The following GRIK2 variants were observed in gnomAD, a reference collection of about 807,000 sequenced individuals.
The protein encoded by GRIK2 is glutamate receptor ionotropic, kainate 2.
A neutral mutation model predicts 100.3 loss-of-function variants in GRIK2; 32 were observed. The ratio of observed to expected loss-of-function variants is 0.32; its 90% CI spans 0.24 to 0.43. GRIK2 has a LOEUF of 0.43. GRIK2 is among the 20% of genes least tolerant of loss of function. The pLI is 1.00. For synonymous variants in GRIK2, 417 were observed against 389.4 expected (o/e 1.07, Z -0.83); for missense variants, 843 against 1,114.9 (o/e 0.76, Z 3.47).
At chr6:101,394,952 A>G (rs567933212) in intron 1 of GRIK2, among the ~76,000 whole-genome samples, 248 of 152,360 alleles carry the variant, frequency 1.6e-3, no homozygotes, top group African/African-American at 5.4e-3. Context: ...ATTTAAAAAA[A>G]AAAGTTCTGG....
chr6:101,846,006 TG>T (rs753810379), intron 10 of GRIK2, among the ~76,000 whole-genome samples: 34 of 149,180 alleles, frequency 2.3e-4, no homozygotes, highest in Admixed American at 7.3e-4. Context: ...TAAACAGCAT[TG>T]TTTTTTTTTT....
At chr6:101,496,776 C>A (rs202151318) in intron 2 of GRIK2, among the ~76,000 whole-genome samples, 1 of 152,034 alleles carries the variant, frequency 6.6e-6, no homozygotes, top group East Asian at 1.9e-4. Context: ...CTGTAGTTAT[C>A]CTGAGCTTGA....
intron 2 of GRIK2, among the ~76,000 whole-genome samples, chr6:101,509,359 G>A (rs554726219): frequency 6.6e-6 from 1 of 152,244 alleles, no homozygotes; most frequent in South Asian, 2.1e-4. Flanking sequence ...GTTTTACTGA[G>A]CGATTAATTT....
chr6:101,898,683 G>A (rs1787642199), intron 12 of GRIK2, among the ~76,000 whole-genome samples: 1 of 151,470 alleles, frequency 6.6e-6, no homozygotes, highest in African/African-American at 2.4e-5. Flanking sequence ...TATAAAGCTA[G>A]TCTCTGGAAA....
chr6:101,533,578 A>G (rs1775548055), intron 2 of GRIK2, among the ~76,000 whole-genome samples: 1 of 151,904 alleles, frequency 6.6e-6, no homozygotes, highest in Admixed American at 6.6e-5. Flanking sequence ...AAAACTATTC[A>G]GAGAAGGCAA....
chr6:101,741,584 A>T (rs1776035354), intron 7 of GRIK2, among the ~76,000 whole-genome samples: 1 of 152,192 alleles, frequency 6.6e-6, no homozygotes. Context: ...GTGGAAACGT[A>T]TGGAAAGTTT....
rs1232141580 is a variant in GRIK2 at position 101,611,356 on chromosome 6, G to T, written c.116-10593G>T. On this transcript the variant is annotated intron_variant, in intron 2 of 16. Transcript: ENST00000369134. ...TTTCAAATGCCCAGGACAAGTCTGA[G>T]AATATGATAGATGTAGGAAGATGTA... is the stretch of plus-strand genomic sequence containing the variant. 1.6e-4 allele frequency among the ~76,000 whole-genome samples: 24 copies of T among 151,774 alleles called. No homozygotes were observed. The Admixed American group carries it at 1.6e-3, about 10-fold the overall frequency.
chr6:101,875,197 G>C (rs1562456645), intron 11 of GRIK2, among the ~76,000 whole-genome samples: 1 of 151,950 alleles, frequency 6.6e-6, no homozygotes, highest in Non-Finnish European at 1.5e-5. Flanking sequence ...TTTTTAATCT[G>C]AGTGTAACAA....
chr6:101,539,971 A>G (rs1775905131), intron 2 of GRIK2, among the ~76,000 whole-genome samples: 1 of 151,878 alleles, frequency 6.6e-6, no homozygotes, highest in African/African-American at 2.4e-5. Context: ...AAATTGGAGA[A>G]TAAGTGTGCA....
In GRIK2 at chr6:101,889,769, GTCT is replaced by G; in HGVS notation, c.1658_1660del (p.Phe553del). Reference sequence around the variant, plus strand: ...CAAGCCCAATGGTACAAACCCAGGCGTCTTCTCCTTCCTGAATCCTCTCTCCCC... The same window carrying G: ...CAAGCCCAATGGTACAAACCCAGGCGTCTCCTTCCTGAATCCTCTCTCCCC... On this transcript the variant is annotated inframe_deletion, in exon 12 of 17. Transcript: ENST00000369134. 6.2e-7 allele frequency: 1 copy of G among 1,613,130 alleles called. No homozygotes were observed.
intron 7 of GRIK2, among the ~76,000 whole-genome samples, chr6:101,778,880 A>G (rs9404145): frequency 0.11 from 16,980 of 152,186 alleles, 2,076 homozygotes; most frequent in East Asian, 0.67. Context: ...TAACATATGC[A>G]TTAAACCTGG....
intron 2 of GRIK2, among the ~76,000 whole-genome samples, chr6:101,486,394 G>GA (rs1554207435): frequency 7.2e-6 from 1 of 139,508 alleles, no homozygotes; most frequent in East Asian, 2.5e-4. Context: ...GGTGGGGCGG[G>GA]GGGGGGAAGC....
At chr6:101,647,112 A>G (rs977356997) in intron 4 of GRIK2, among the ~76,000 whole-genome samples, 2 of 152,030 alleles carry the variant, frequency 1.3e-5, no homozygotes, top group Non-Finnish European at 2.9e-5. Flanking sequence ...GAGGGAAAGT[A>G]CAAGTGTCAG....
chr6:101,947,467 C>A (rs1791351889), intron 14 of GRIK2, among the ~76,000 whole-genome samples: 1 of 152,080 alleles, frequency 6.6e-6, no homozygotes, highest in South Asian at 2.1e-4. Context: ...CTGCATTCCA[C>A]TAAGTTTCTT....
chr6:101,885,716 T>C (rs1460491633), intron 11 of GRIK2, among the ~76,000 whole-genome samples: 1 of 152,118 alleles, frequency 6.6e-6, no homozygotes, highest in African/African-American at 2.4e-5. Context: ...ACTGAGGATA[T>C]GGTAAAAACA....
intron 10 of GRIK2, among the ~76,000 whole-genome samples, chr6:101,846,387 G>A (rs960629598): frequency 3.9e-5 from 6 of 151,998 alleles, no homozygotes; most frequent in Non-Finnish European, 7.4e-5. Flanking sequence ...ATTTTTAGTT[G>A]TCCCAATGCC....
intron 2 of GRIK2, among the ~76,000 whole-genome samples, chr6:101,438,750 A>G (rs569021922): frequency 4.8e-4 from 73 of 152,290 alleles, no homozygotes; most frequent in African/African-American, 1.7e-3. Context: ...CATTAAATTG[A>G]TAAGGAACAA....
chr6:101,752,663 G>A (rs767932437), intron 7 of GRIK2, among the ~76,000 whole-genome samples: 1 of 152,114 alleles, frequency 6.6e-6, no homozygotes, highest in Non-Finnish European at 1.5e-5. Flanking sequence ...GATAACAGAA[G>A]TGGTAGAATT....
intron 7 of GRIK2, among the ~76,000 whole-genome samples, chr6:101,790,924 G>A (rs1353210054): frequency 6.6e-6 from 1 of 151,962 alleles, no homozygotes; most frequent in Non-Finnish European, 1.5e-5. Flanking sequence ...CTTCTTCCTG[G>A]TTTAGTCTTG....
Sources: allele counts gnomAD v4.1 joint callset (sites outside exome capture counted in the v4.1 genomes callset), GRCh38; gene constraint gnomAD v4.1.1; transcripts MANE v1.5; gene names NCBI Gene and HGNC (gene_info 2026-07-23, HGNC 2026-07-21).